Variants in COL10A1 observed in about 807,000 individuals in gnomAD.
COL10A1 encodes collagen alpha-1(X) chain.
A neutral mutation model predicts 18.2 loss-of-function variants in COL10A1; 10 were observed. The ratio of observed to expected loss-of-function variants is 0.55; its 90% CI spans 0.34 to 0.93. COL10A1 has a LOEUF of 0.93. Among genes scored for constraint, COL10A1 ranks in the 40% least tolerant of loss-of-function variants. The pLI, the probability that COL10A1 is intolerant of heterozygous loss-of-function variation, is 0.02. For synonymous variants in COL10A1, 330 were observed against 316.6 expected (o/e 1.04, Z -0.45); for missense variants, 897 against 853.5 (o/e 1.05, Z -0.64).
At chr6:116,149,932 G>T (rs944899292) in intron 1 of COL10A1, among the ~76,000 whole-genome samples, 1 of 152,218 alleles carries the variant, frequency 6.6e-6, no homozygotes, top group Non-Finnish European at 1.5e-5. Context: ...CCACTCACAG[G>T]TAGGTAAGGT....
At chr6:116,196,049 G>A in the COL10A1 span, among the ~76,000 whole-genome samples, 1 of 152,010 alleles carries the variant, frequency 6.6e-6, no homozygotes, top group Non-Finnish European at 1.5e-5. Flanking sequence ...TTGTCGGGTT[G>A]TTAAGGGGCT....
At chr6:116,214,817 T>C in the COL10A1 span, among the ~76,000 whole-genome samples, 4 of 149,078 alleles carry the variant, frequency 2.7e-5, no homozygotes, top group African/African-American at 7.6e-5. Context: ...ACTTAAAGTA[T>C]AATAAAAAAA....
At chr6:116,211,331 T>C in the COL10A1 span, among the ~76,000 whole-genome samples, 3 of 152,070 alleles carry the variant, frequency 2.0e-5, no homozygotes, top group South Asian at 6.2e-4. Flanking sequence ...CAGGAGATGA[T>C]AATACATTGT....
At chr6:116,125,586 CT>C (rs1364625798) in intron 1 of COL10A1, 79 bp from the exon 2 acceptor site, 1 of 1,273,396 alleles carries the variant, frequency 7.9e-7, no homozygotes, top group East Asian at 2.4e-5. Context: ...CAGATGAGTT[CT>C]TTATACAGTT....
rs1380697747 is a variant in COL10A1, at chr6:116,121,921, T to G, written c.195A>C (p.Pro65=). 2 of 1,613,636 alleles carry G rather than the reference T, an allele frequency of 1.2e-6. No homozygotes were observed. The highest frequency in any genetic ancestry group is 2.2e-5 in the South Asian group (2 of 91,060). ...VRGEQGTPGP[P]GPAGPRGHPG... is the part of the protein sequence containing the mutation. Reference sequence around the variant, plus strand: ...GGTGCCCTCGAGGTCCAGCAGGGCCTGGTGGACCAGGAGTACCTTGCTCTC... The same window carrying G: ...GGTGCCCTCGAGGTCCAGCAGGGCCGGGTGGACCAGGAGTACCTTGCTCTC... Residue 65 remains proline (P), a synonymous_variant, in exon 3 of 3, where the codon CCA becomes CCC. Transcript: ENST00000651968.
upstream of COL10A1, among the ~76,000 whole-genome samples, chr6:116,159,930 G>A (rs1199429031): frequency 6.6e-6 from 1 of 152,016 alleles, no homozygotes; most frequent in Non-Finnish European, 1.5e-5. Flanking sequence ...CCATGTTGTT[G>A]CAAAGGACAC....
chr6:116,174,396 G>T, the COL10A1 span, among the ~76,000 whole-genome samples: 2 of 152,142 alleles, frequency 1.3e-5, no homozygotes, highest in Non-Finnish European at 2.9e-5. Context: ...CTGTTCAGCA[G>T]TGTTAATTCT....
chr6:116,178,704 T>C, the COL10A1 span, among the ~76,000 whole-genome samples: 228 of 152,320 alleles, frequency 1.5e-3, 1 homozygote, highest in Middle Eastern at 0.014. Flanking sequence ...TCCAGAAATA[T>C]AGAGCAGTTT....
upstream of COL10A1, among the ~76,000 whole-genome samples, chr6:116,160,780 A>T (rs530819841): frequency 3.4e-4 from 52 of 152,320 alleles, no homozygotes; most frequent in African/African-American, 1.2e-3. Context: ...CCTTTAATCT[A>T]TCTTCAGTTA....
rs745826013 is a variant in COL10A1, at chr6:116,125,474, A to C, written c.19T>G (p.Phe7Val). ...AAGTTCAAGGATACTAGCAGCAAAA[A>C]GGGTATTTGTGGCAGCATATTCTCA... is the stretch of plus-strand genomic sequence containing the variant. MLPQIPFLLLVSLNLVH... is the reference protein window; with the variant it reads MLPQIPVLLLVSLNLVH... Residue 7 changes from phenylalanine to valine, a missense_variant, in exon 2 of 3, where the codon TTT becomes GTT. Coordinates refer to ENST00000651968, the MANE Select transcript of COL10A1 (RefSeq NM_000493.4). The C allele has an allele frequency of 2.5e-6, 4 of 1,613,780 alleles. No individual in the cohort carries two copies. Among genetic ancestry groups the C allele is most frequent in the Non-Finnish European group, 1.7e-6 (2 of 1,179,840 alleles).
At chr6:116,163,589 C>G (rs1169197649), upstream of COL10A1, among the ~76,000 whole-genome samples, 1 of 151,552 alleles carries the variant, frequency 6.6e-6, no homozygotes, top group African/African-American at 2.4e-5. Context: ...TTTGTTGATC[C>G]CTTGTGTGAT....
the COL10A1 span, among the ~76,000 whole-genome samples, chr6:116,206,357 G>A: frequency 2.0e-5 from 3 of 151,938 alleles, no homozygotes; most frequent in Admixed American, 6.6e-5. Context: ...TTACCTAATG[G>A]GGTGAGTGTT....
chr6:116,208,358 C>T, the COL10A1 span, among the ~76,000 whole-genome samples: 6 of 151,960 alleles, frequency 3.9e-5, no homozygotes, highest in Non-Finnish European at 7.4e-5. Flanking sequence ...ACAAAACCCT[C>T]CCAAAATGTT....
At chr6:116,163,139 A>ATATATATATATAT, upstream of COL10A1, among the ~76,000 whole-genome samples, 1 of 100,400 alleles carries the variant, frequency 1.0e-5, no homozygotes, top group East Asian at 2.7e-4. Flanking sequence ...AAAAAAAAAA[A>ATATATATATATAT]AAATATATAT....
At chr6:116,146,462 G>A (rs962837687) in intron 1 of COL10A1, among the ~76,000 whole-genome samples, 3 of 152,148 alleles carry the variant, frequency 2.0e-5, no homozygotes, top group Non-Finnish European at 4.4e-5. Flanking sequence ...TCAAAATGGG[G>A]GAAAGAAATC....
At chr6:116,162,943 T>C (rs544966245), upstream of COL10A1, among the ~76,000 whole-genome samples, 32 of 151,786 alleles carry the variant, frequency 2.1e-4, no homozygotes, top group South Asian at 5.8e-3. Flanking sequence ...CTAGCTAACA[T>C]GGTGAAACCC....
At chr6:116,206,211 T>A in the COL10A1 span, among the ~76,000 whole-genome samples, 1 of 151,990 alleles carries the variant, frequency 6.6e-6, no homozygotes, top group Non-Finnish European at 1.5e-5. Flanking sequence ...CCCATAGCAT[T>A]TCGTGGTTAA....
chr6:116,186,482 T>C, the COL10A1 span, among the ~76,000 whole-genome samples: 1 of 152,010 alleles, frequency 6.6e-6, no homozygotes, highest in Non-Finnish European at 1.5e-5. Flanking sequence ...TCCCAGACTT[T>C]TAGATTTCTC....
the COL10A1 span, among the ~76,000 whole-genome samples, chr6:116,198,116 AG>A: frequency 6.6e-6 from 1 of 152,194 alleles, no homozygotes; most frequent in South Asian, 2.1e-4. Flanking sequence ...CTCCTGTCAA[AG>A]TGCTGGGTGG....
Sources: allele counts gnomAD v4.1 joint callset (sites outside exome capture counted in the v4.1 genomes callset), GRCh38; gene constraint gnomAD v4.1.1; transcripts MANE v1.5; gene names NCBI Gene and HGNC (gene_info 2026-07-23, HGNC 2026-07-21).